The following RFX3 variants were observed in gnomAD, a reference collection of about 807,000 sequenced individuals.
The protein encoded by RFX3 is transcription factor RFX3.
Under a neutral mutation model 98.6 loss-of-function variants are expected in RFX3, and 14 were observed. The observed-to-expected ratio is 0.14, with a 90% confidence interval of 0.09 to 0.22. The LOEUF is 0.22. Ranked by LOEUF, RFX3 falls within the 10% of genes least tolerant of loss-of-function variation. The probability of loss-of-function intolerance (pLI) is 1.00; values close to 1 mark genes in which losing one functional copy is unlikely to be tolerated. For missense variants in RFX3, 639 were observed against 926.9 expected (o/e 0.69, Z 4.03); for synonymous variants, 383 against 328.4 (o/e 1.17, Z -1.80).
intron 14 of RFX3, among the ~76,000 whole-genome samples, chr9:3,251,711 TTATA>T (rs1222896714): frequency 6.6e-6 from 1 of 152,156 alleles, no homozygotes; most frequent in African/African-American, 2.4e-5. Flanking sequence ...ATGTCATTCA[TTATA>T]TAATAATACA....
intron 1 of RFX3, among the ~76,000 whole-genome samples, chr9:3,514,703 C>A (rs1470739424): frequency 1.3e-5 from 2 of 152,134 alleles, no homozygotes; most frequent in Admixed American, 1.3e-4. Flanking sequence ...CCCATCTCAG[C>A]CTCCCAATGT....
chr9:3,485,616 T>A (rs977754785), intron 1 of RFX3, among the ~76,000 whole-genome samples: 1 of 152,218 alleles, frequency 6.6e-6, no homozygotes, highest in Non-Finnish European at 1.5e-5. Flanking sequence ...TCTCTCAGAA[T>A]AAAAGAATTT....
At chr9:3,328,517 T>C (rs1563933760) in intron 4 of RFX3, among the ~76,000 whole-genome samples, 1 of 152,136 alleles carries the variant, frequency 6.6e-6, no homozygotes, top group Non-Finnish European at 1.5e-5. Context: ...TAAAATACTG[T>C]ATTTAATATT....
intron 14 of RFX3, among the ~76,000 whole-genome samples, chr9:3,255,998 G>C (rs902249807): frequency 4.6e-5 from 7 of 150,942 alleles, no homozygotes; most frequent in Non-Finnish European, 8.8e-5. Context: ...ACGGAGTCTC[G>C]CTCTGTCGCC....
intron 5 of RFX3, among the ~76,000 whole-genome samples, chr9:3,297,410 G>C (rs1471012198): frequency 6.6e-6 from 1 of 151,992 alleles, no homozygotes; most frequent in Non-Finnish European, 1.5e-5. Context: ...GAAGATAATT[G>C]CATCTTTCAA....
chr9:3,339,474 T>A (rs1833613766), intron 3 of RFX3, among the ~76,000 whole-genome samples: 1 of 152,234 alleles, frequency 6.6e-6, no homozygotes, highest in Admixed American at 6.5e-5. Context: ...ATAAGAAAGC[T>A]GTGTGAATGC....
At chr9:3,359,220 T>C (rs934958876) in intron 2 of RFX3, among the ~76,000 whole-genome samples, 4 of 151,710 alleles carry the variant, frequency 2.6e-5, no homozygotes, top group African/African-American at 9.7e-5. Context: ...GGGCAGACAA[T>C]GAAAAGAGGA....
At chr9:3,518,210 G>A (rs1043991032) in intron 1 of RFX3, among the ~76,000 whole-genome samples, 5 of 152,252 alleles carry the variant, frequency 3.3e-5, no homozygotes, top group South Asian at 2.1e-4. Flanking sequence ...ACCTAACTAC[G>A]TAATTCTCAG....
At chr9:3,507,413 A>T (rs1330331468) in intron 1 of RFX3, among the ~76,000 whole-genome samples, 1 of 151,898 alleles carries the variant, frequency 6.6e-6, no homozygotes, top group East Asian at 1.9e-4. Context: ...TGCTATTTTG[A>T]CTATGTCATA....
intron 2 of RFX3, among the ~76,000 whole-genome samples, chr9:3,355,736 G>C (rs905192302): frequency 2.6e-5 from 4 of 151,868 alleles, no homozygotes; most frequent in African/African-American, 9.7e-5. Flanking sequence ...GAACAGGCAT[G>C]CTCTGATGCA....
intron 14 of RFX3, 25 bp from the exon 15 acceptor site, chr9:3,248,210 T>TATGTTTTACTTA: frequency 6.4e-7 from 1 of 1,573,764 alleles, no homozygotes; most frequent in Non-Finnish European, 8.6e-7. Flanking sequence ...AAGACAAATA[T>TATGTTTTACTTA]GCAGCTAACA....
chr9:3,434,051 G>A (rs1844898243), intron 1 of RFX3, among the ~76,000 whole-genome samples: 1 of 152,124 alleles, frequency 6.6e-6, no homozygotes, highest in Admixed American at 6.6e-5. Flanking sequence ...TCTCAATGGA[G>A]ATTCTGATTC....
rs183801969 is a variant in RFX3 at position 3,492,136 on chromosome 9, G to C, written c.-9+33611C>G. Among the ~76,000 whole-genome samples, 55 of 152,266 alleles carry C rather than the reference G, an allele frequency of 3.6e-4. No individual in the cohort carries two copies. The East Asian group carries it at 8.3e-3, about 23-fold the overall frequency. ...TGTGCTAGAAGGTAATTAGGTGCTG[G>C]AGGATATAACGGTGAGCAAAACATG... On this transcript the variant is annotated intron_variant, in intron 1 of 16. Coordinates refer to ENST00000617270, the MANE Select transcript of RFX3 (RefSeq NM_001282116.2).
chr9:3,441,191 G>A (rs1845579115), intron 1 of RFX3, among the ~76,000 whole-genome samples: 1 of 152,092 alleles, frequency 6.6e-6, no homozygotes, highest in Admixed American at 6.6e-5. Context: ...GTTGGATAGA[G>A]ACATTAATGA....
chr9:3,373,083 C>G (rs1388894708), intron 2 of RFX3, among the ~76,000 whole-genome samples: 4 of 152,112 alleles, frequency 2.6e-5, no homozygotes, highest in Middle Eastern at 3.2e-3. Context: ...GTTTGTATCT[C>G]TAAGCTTGAA....
chr9:3,403,852 A>G (rs117111348), intron 1 of RFX3, among the ~76,000 whole-genome samples: 3 of 152,302 alleles, frequency 2.0e-5, no homozygotes, highest in Non-Finnish European at 4.4e-5. Context: ...TTTAGATTTT[A>G]CAGGGAGTGA....
chr9:3,350,361 C>A (rs187486126), intron 2 of RFX3, among the ~76,000 whole-genome samples: 20 of 152,154 alleles, frequency 1.3e-4, no homozygotes, highest in African/African-American at 4.6e-4. Context: ...TCATAAGATA[C>A]CAAAATCTAA....
At chr9:3,321,355 C>T (rs988912415) in intron 4 of RFX3, among the ~76,000 whole-genome samples, 1 of 152,130 alleles carries the variant, frequency 6.6e-6, no homozygotes, top group Non-Finnish European at 1.5e-5. Flanking sequence ...TAAAAAATTT[C>T]CACATTGCTC....
chr9:3,505,853 A>T (rs761647794), intron 1 of RFX3, among the ~76,000 whole-genome samples: 4 of 150,762 alleles, frequency 2.7e-5, no homozygotes, highest in Non-Finnish European at 5.9e-5. Flanking sequence ...ATACTCATTT[A>T]TCTTCTCTCT....
Sources: allele counts gnomAD v4.1 joint callset (sites outside exome capture counted in the v4.1 genomes callset), GRCh38; gene constraint gnomAD v4.1.1; transcripts MANE v1.5; gene names NCBI Gene and HGNC (gene_info 2026-07-23, HGNC 2026-07-21).